The following FOXP1 variants were observed in gnomAD, a reference collection of about 807,000 sequenced individuals.
FOXP1 encodes the protein forkhead box protein P1.
Under a neutral mutation model 98.2 loss-of-function variants are expected in FOXP1, and 15 were observed. The observed-to-expected ratio is 0.15, with a 90% CI of 0.10 to 0.24. The LOEUF (loss-of-function observed/expected upper bound fraction) is 0.24, where lower values mean the gene tolerates loss of function less well. FOXP1 is among the 10% of genes least tolerant of loss of function. The pLI is 1.00. For missense variants in FOXP1, 633 were observed against 848.5 expected (o/e 0.75, Z 3.15); for synonymous variants, 371 against 314.5 (o/e 1.18, Z -1.90).
chr3:71,003,264 C>A (rs373626242), intron 12 of FOXP1, among the ~76,000 whole-genome samples: 1 of 152,180 alleles, frequency 6.6e-6, no homozygotes, highest in African/African-American at 2.4e-5. Flanking sequence ...GATAATGAAA[C>A]GCAGTGAGAG....
intron 3 of FOXP1, among the ~76,000 whole-genome samples, chr3:71,452,840 A>G (rs577943634): frequency 3.3e-5 from 5 of 152,158 alleles, no homozygotes; most frequent in Admixed American, 1.3e-4. Flanking sequence ...TGGAGTCCCA[A>G]TGGATGAAAT....
At chr3:71,512,286 T>A (rs1455224624) in intron 2 of FOXP1, among the ~76,000 whole-genome samples, 1 of 152,168 alleles carries the variant, frequency 6.6e-6, no homozygotes, top group East Asian at 1.9e-4. Flanking sequence ...TGACCTCTTA[T>A]CTTGGCTAAG....
chr3:70,976,788 ATT>A (rs2037652733), intron 17 of FOXP1, among the ~76,000 whole-genome samples, 151 bp downstream of exon 17: 1 of 152,192 alleles, frequency 6.6e-6, no homozygotes, highest in Non-Finnish European at 1.5e-5. Flanking sequence ...CAATGGCACT[ATT>A]TTCCCAATCA....
intron 2 of FOXP1, among the ~76,000 whole-genome samples, chr3:71,505,528 C>A (rs992772958): frequency 6.7e-6 from 1 of 149,962 alleles, no homozygotes; most frequent in Non-Finnish European, 1.5e-5. Flanking sequence ...CAGGTTCAAG[C>A]GATTCTCCTG....
chr3:71,365,605 A>G (rs2078866042), intron 3 of FOXP1, among the ~76,000 whole-genome samples: 1 of 152,248 alleles, frequency 6.6e-6, no homozygotes, highest in African/African-American at 2.4e-5. Flanking sequence ...TCACTGGAAG[A>G]GTGAGACAGA....
At chr3:71,440,796 T>C (rs1220758880) in intron 3 of FOXP1, among the ~76,000 whole-genome samples, 1 of 151,922 alleles carries the variant, frequency 6.6e-6, no homozygotes, top group Non-Finnish European at 1.5e-5. Flanking sequence ...GCCCAAGCGG[T>C]TGAGGCTGCA....
rs1013721868 is a variant in FOXP1 at position 71,465,775 on chromosome 3, G to A, written c.-168+27651C>T. ...CCAGCCCATGGCCCGTTAGGAAACC[G>A]GATGCACAAGAAGTGAGCAGAGGGC... On this transcript the variant is annotated intron_variant, in intron 3 of 20. Transcript: ENST00000649528. Among the ~76,000 whole-genome samples the A allele has an allele frequency of 4.6e-5, 7 of 152,220 alleles. 1 individual carries two copies. Among genetic ancestry groups the A allele is most frequent in the Non-Finnish European group, 7.4e-5 (5 of 68,018 alleles).
chr3:71,312,519 A>G (rs2074764507), intron 4 of FOXP1, among the ~76,000 whole-genome samples: 1 of 152,196 alleles, frequency 6.6e-6, no homozygotes, highest in South Asian at 2.1e-4. Context: ...GCTATTTGAA[A>G]TTACTTTAAA....
At position 71,574,271 on chromosome 3, in the gene FOXP1, C is replaced by T. The variant is rs73839906; in HGVS notation, c.-298+7278G>A. 329 of 152,150 alleles carry T rather than the reference C, an allele frequency of 2.2e-3. 2 individuals are homozygous for T. Among genetic ancestry groups the T allele is most frequent in the African/African-American group, 7.7e-3 (320 of 41,492 alleles). 9.4% of individuals were successfully genotyped at this position (152,150 alleles called of 1,614,324 possible). A position where few individuals can be genotyped will look rare whatever the true frequency, so the allele number is the denominator to read the frequency against. ...TATTAAAATAAAGCCACACCTAAAG[C>T]CAAAATGGAAATTAAAAATTAGGTG... On this transcript the variant is annotated intron_variant, in intron 2 of 20. Transcript: ENST00000649528.
chr3:71,306,956 T>C (rs1403603875), intron 4 of FOXP1, among the ~76,000 whole-genome samples: 2 of 152,198 alleles, frequency 1.3e-5, no homozygotes, highest in Non-Finnish European at 2.9e-5. Context: ...AACATGCCAG[T>C]GTTAGGAATT....
intron 11 of FOXP1, among the ~76,000 whole-genome samples, chr3:71,017,435 ATTAAGATTTAACTATTC>A (rs1191604155): frequency 6.6e-6 from 1 of 151,908 alleles, no homozygotes; most frequent in Non-Finnish European, 1.5e-5. Flanking sequence ...TAGCAATTTT[ATTAAGATTTAACTATTC>A]TTATAACTTT....
At chr3:71,047,460 C>A (rs534388897) in intron 9 of FOXP1, among the ~76,000 whole-genome samples, 6 of 152,280 alleles carry the variant, frequency 3.9e-5, no homozygotes, top group East Asian at 3.9e-4. Flanking sequence ...GGTCTGAACC[C>A]CGAACCTTTG....
At chr3:70,993,266 C>A (rs1022536804) in intron 13 of FOXP1, among the ~76,000 whole-genome samples, 1 of 152,200 alleles carries the variant, frequency 6.6e-6, no homozygotes, top group African/African-American at 2.4e-5. Flanking sequence ...CCCAGTGTCA[C>A]CGGACTCCAG....
intron 11 of FOXP1, among the ~76,000 whole-genome samples, chr3:71,021,343 T>C (rs2045400844): frequency 6.6e-6 from 1 of 152,214 alleles, no homozygotes; most frequent in Non-Finnish European, 1.5e-5. Flanking sequence ...TCCTCGGAGT[T>C]TCATTCGTTT....
chr3:71,113,757 T>TAAAATAAAATAA (rs1237178658), intron 6 of FOXP1, among the ~76,000 whole-genome samples: 1 of 150,384 alleles, frequency 6.6e-6, no homozygotes, highest in Admixed American at 6.6e-5. Context: ...TAAAATAAAA[T>TAAAATAAAATAA]AAAAGGTCAA....
chr3:71,051,492 C>T (rs891317891), intron 9 of FOXP1, among the ~76,000 whole-genome samples: 5 of 152,182 alleles, frequency 3.3e-5, no homozygotes, highest in African/African-American at 7.2e-5. Flanking sequence ...AGCATCCTCA[C>T]TTAGGTGAGG....
At chr3:71,445,581 T>C (rs2086336941) in intron 3 of FOXP1, among the ~76,000 whole-genome samples, 1 of 152,142 alleles carries the variant, frequency 6.6e-6, no homozygotes, top group African/African-American at 2.4e-5. Flanking sequence ...AATTTCCCAT[T>C]TGTTTCTGTG....
intron 6 of FOXP1, among the ~76,000 whole-genome samples, chr3:71,144,669 C>G (rs2108020451): frequency 6.6e-6 from 1 of 152,288 alleles, no homozygotes; most frequent in East Asian, 1.9e-4. Context: ...ATAGGCTGGG[C>G]TGTGTAGAGC....
intron 6 of FOXP1, among the ~76,000 whole-genome samples, chr3:71,195,488 T>TA (rs1442817862): frequency 6.6e-6 from 1 of 152,224 alleles, no homozygotes; most frequent in East Asian, 1.9e-4. Context: ...AACTCGTTTT[T>TA]ATACCAGGCC....
Sources: allele counts gnomAD v4.1 joint callset (sites outside exome capture counted in the v4.1 genomes callset), GRCh38; gene constraint gnomAD v4.1.1; transcripts MANE v1.5; gene names NCBI Gene and HGNC (gene_info 2026-07-23, HGNC 2026-07-21).